Variants in PRTG observed in about 807,000 individuals in gnomAD.
The protein encoded by PRTG is immunoglobulin superfamily, DCC subclass, member 5.
In PRTG, 67 loss-of-function variants were observed where a neutral mutation model predicts 122.5. That is an observed-to-expected ratio of 0.55 (90% CI 0.45 to 0.67). The LOEUF (loss-of-function observed/expected upper bound fraction) is 0.67, where lower values mean the gene tolerates loss of function less well. Among genes scored for constraint, PRTG ranks in the 30% least tolerant of loss-of-function variants. The pLI is 0.00. For missense variants in PRTG, 1,435 were observed against 1,415.4 expected (o/e 1.01, Z -0.22); for synonymous variants, 554 against 501.1 (o/e 1.11, Z -1.41).
chr15:55,642,356 C>T (rs1252878146), intron 11 of PRTG, among the ~76,000 whole-genome samples: 1 of 151,866 alleles, frequency 6.6e-6, no homozygotes, highest in Non-Finnish European at 1.5e-5. Flanking sequence ...GTGGCTCATG[C>T]CTGCAATCCC....
chr15:55,673,071 T>A (rs892652621), intron 10 of PRTG, among the ~76,000 whole-genome samples: 1 of 152,174 alleles, frequency 6.6e-6, no homozygotes, highest in Non-Finnish European at 1.5e-5. Flanking sequence ...TATATGGCAA[T>A]AATATTAATT....
At chr15:55,733,850 C>G (rs1270678327) in intron 2 of PRTG, among the ~76,000 whole-genome samples, 1 of 152,088 alleles carries the variant, frequency 6.6e-6, no homozygotes, top group African/African-American at 2.4e-5. Context: ...ACAACAACAA[C>G]AACAACAAAA....
rs1452008572 is a variant in PRTG, at chr15:55,710,838, T to A, written c.398-26907A>T. On this transcript the variant is annotated intron_variant, in intron 2 of 19. Coordinates refer to ENST00000389286, the MANE Select transcript of PRTG (RefSeq NM_173814.6). ...GTGAGAGATAAAAGGAAAAGTGAAA[T>A]CTTGTACCTGCCCCGAGACGACTTG... is the stretch of plus-strand genomic sequence containing the variant. Among the ~76,000 whole-genome samples, 3 of 152,104 alleles carry A rather than the reference T, an allele frequency of 2.0e-5. No individual in the cohort carries two copies. The South Asian group carries it at 6.2e-4, about 32-fold the overall frequency.
intron 15 of PRTG, among the ~76,000 whole-genome samples, chr15:55,634,894 C>T (rs980804031): frequency 2.6e-5 from 4 of 152,002 alleles, no homozygotes; most frequent in Non-Finnish European, 5.9e-5. Context: ...CAGTGAATTA[C>T]ACCCGCATCG....
At chr15:55,659,523 C>T in intron 11 of PRTG, among the ~76,000 whole-genome samples, 1 of 152,136 alleles carries the variant, frequency 6.6e-6, no homozygotes, top group East Asian at 1.9e-4. Flanking sequence ...CCCTTCACTC[C>T]AAATGCTTTT....
At chr15:55,693,129 G>A (rs962548121) in intron 2 of PRTG, among the ~76,000 whole-genome samples, 6 of 151,866 alleles carry the variant, frequency 4.0e-5, no homozygotes, top group South Asian at 2.1e-4. Context: ...GATTACAGGC[G>A]TGAGCCACCG....
At chr15:55,709,607 G>A (rs2030300113) in intron 2 of PRTG, among the ~76,000 whole-genome samples, 1 of 151,988 alleles carries the variant, frequency 6.6e-6, no homozygotes, top group Admixed American at 6.6e-5. Context: ...TATGTGTAAT[G>A]GCCTCAAACT....
intron 6 of PRTG, chr15:55,679,681 G>A (rs2059526241): frequency 2.2e-6 from 1 of 445,224 alleles, no homozygotes; most frequent in Non-Finnish European, 4.0e-6. Flanking sequence ...TAAAATATAT[G>A]TACCTATCAT....
intron 2 of PRTG, among the ~76,000 whole-genome samples, chr15:55,716,652 C>A (rs1022175980): frequency 6.6e-6 from 1 of 152,170 alleles, no homozygotes; most frequent in Admixed American, 6.5e-5. Flanking sequence ...AAAATTACTT[C>A]TCTACCTTTT....
At position 55,742,888 on chromosome 15, in the gene PRTG, C is replaced by T; in HGVS notation, c.44G>A (p.Gly15Glu). Residue 15 changes from glycine to glutamate, a missense_variant, in exon 1 of 20, where the codon GGG becomes GAG. Physicochemically the swap from Gly to Glu is moderately conservative, Grantham distance 98 (BLOSUM62 -2). Coordinates refer to ENST00000389286, the MANE Select transcript of PRTG (RefSeq NM_173814.6). ...GAGCAGGAGCGCGCGGAGCAGCATC[C>T]CCGGCGGTCGCAGCCGGGCGAGGGG... ...LRPLARLRPP[G>E]MLLRALLLLL... 3 of 1,531,734 alleles carry T rather than the reference C, an allele frequency of 2.0e-6. No individual in the cohort carries two copies. The highest frequency in any genetic ancestry group is 2.6e-6 in the Non-Finnish European group (3 of 1,138,520). The allele number at this position is 1,531,734 out of a possible 1,614,324, so 94.9% of individuals were successfully genotyped here.
At chr15:55,733,592 C>T (rs1159665673) in intron 2 of PRTG, among the ~76,000 whole-genome samples, 2 of 151,436 alleles carry the variant, frequency 1.3e-5, no homozygotes, top group Non-Finnish European at 2.9e-5. Context: ...TTTGGGAAAC[C>T]AAGGTGGGAG....
At chr15:55,630,127 T>C (rs961659173) in intron 15 of PRTG, among the ~76,000 whole-genome samples, 20 of 151,878 alleles carry the variant, frequency 1.3e-4, no homozygotes, top group Non-Finnish European at 2.4e-4. Context: ...GCTGGGACTA[T>C]AGGCGCCCGC....
At position 55,673,433 on chromosome 15, in the gene PRTG, A is replaced by C; in HGVS notation, c.1790T>G (p.Val597Gly). The C allele has an allele frequency of 2.5e-6, 4 of 1,614,078 alleles. No homozygotes were observed. The highest frequency in any genetic ancestry group is 3.4e-6 in the Non-Finnish European group (4 of 1,179,996). The change falls in exon 10 of 20, where the codon GTG becomes GGG. Residue 597 changes from valine (V) to glycine (G), a missense_variant. Coordinates refer to ENST00000389286, the MANE Select transcript of PRTG (RefSeq NM_173814.6). The part of the protein sequence containing the change: ...YLVRITAATR[V>G]GLGESSVWTS... ...CCATACTGATGACTCTCCCAGCCCCACTCTGGTGGCAGCAGTAATCCGAAC... is the reference window on the plus strand; with the variant it reads ...CCATACTGATGACTCTCCCAGCCCCCCTCTGGTGGCAGCAGTAATCCGAAC...
At position 55,628,913 on chromosome 15, in the gene PRTG, G is replaced by A. The variant is rs777172655; in HGVS notation, c.2715C>T (p.Pro905=). The change falls in exon 16 of 20, where the codon CCC becomes CCT. Residue 905 remains proline, a synonymous_variant. Coordinates refer to ENST00000389286, the MANE Select transcript of PRTG (RefSeq NM_173814.6). ...CTGCCAGCTCCACAGAATTTGAAAA[G>A]GGTCCTTCTCCCACCTCATTGGATG... ...ISASNEVGEG[P]FSNSVELAVL... is the part of the protein sequence containing the mutation. 5.6e-6 allele frequency: 9 copies of A among 1,613,860 alleles called. No individual in the cohort carries two copies. The highest frequency in any genetic ancestry group is 7.6e-6 in the Non-Finnish European group (9 of 1,179,910).
intron 11 of PRTG, chr15:55,656,394 T>C (rs944599582): frequency 6.7e-6 from 3 of 450,746 alleles, no homozygotes; most frequent in African/African-American, 4.0e-5. Context: ...GGTTAAATTA[T>C]GACTTTAATT....
intron 6 of PRTG, 78 bp from the exon 7 acceptor site, chr15:55,679,523 A>C: frequency 9.1e-7 from 1 of 1,098,002 alleles, no homozygotes; most frequent in Non-Finnish European, 1.3e-6. Context: ...GAAAACAGCA[A>C]ATGAAACAAG....
chr15:55,667,997 G>A (rs1236666982), intron 11 of PRTG, among the ~76,000 whole-genome samples: 1 of 152,224 alleles, frequency 6.6e-6, no homozygotes, highest in Non-Finnish European at 1.5e-5. Context: ...AGCTGAGGTA[G>A]GAGGATTGCT....
chr15:55,675,458 T>C (rs1018864549), intron 9 of PRTG, 61 bp downstream of exon 9: 27 of 1,225,030 alleles, frequency 2.2e-5, no homozygotes, highest in Non-Finnish European at 3.0e-5. Flanking sequence ...CATTTATTCA[T>C]TGAAATTGAC....
chr15:55,735,534 G>A (rs1314086617), intron 2 of PRTG, among the ~76,000 whole-genome samples: 3 of 151,360 alleles, frequency 2.0e-5, no homozygotes, highest in Non-Finnish European at 2.9e-5. Flanking sequence ...CAGAGCAAAC[G>A]ACCACTGAGA....
Sources: gnomAD v4.1 joint callset for allele counts (sites outside exome capture counted in the v4.1 genomes callset) on GRCh38, gnomAD v4.1.1 for gene constraint, MANE v1.5 for transcripts, NCBI Gene and HGNC (gene_info 2026-07-23, HGNC 2026-07-21) for gene names.